HSPA12A: variants seen among roughly 807,000 people sequenced by gnomAD.
The protein encoded by HSPA12A is heat shock 70 kDa protein 12A.
In HSPA12A, 28 loss-of-function variants were observed where a neutral mutation model predicts 69.2. The observed-to-expected ratio is 0.40, with a 90% confidence interval of 0.30 to 0.55. The LOEUF is 0.55. Ranked by LOEUF, HSPA12A falls within the 20% of genes least tolerant of loss-of-function variation. The pLI, the probability that HSPA12A is intolerant of heterozygous loss-of-function variation, is 0.38. For missense variants in HSPA12A, 686 were observed against 900.7 expected (o/e 0.76, Z 3.05); for synonymous variants, 345 against 370.5 (o/e 0.93, Z 0.79).
intron 1 of HSPA12A, chr10:116,849,386 A>T: frequency 1.3e-6 from 1 of 768,804 alleles, no homozygotes; most frequent in Non-Finnish European, 1.8e-6. Flanking sequence ...GAAAAGACAG[A>T]GCAGCGAGCG....
chr10:116,704,331 A>T (rs1850170528), intron 3 of HSPA12A, among the ~76,000 whole-genome samples: 1 of 152,136 alleles, frequency 6.6e-6, no homozygotes, highest in South Asian at 2.1e-4. Context: ...GAAACTGGAA[A>T]CCATCATTCT....
At chr10:116,774,941 C>T (rs1554890938) in intron 2 of HSPA12A, among the ~76,000 whole-genome samples, 2 of 152,208 alleles carry the variant, frequency 1.3e-5, no homozygotes, top group African/African-American at 4.8e-5. Context: ...CCACTCCCTC[C>T]CCAAGGGCCC....
chr10:116,713,755 C>T (rs1850519501), intron 1 of HSPA12A, among the ~76,000 whole-genome samples: 1 of 152,192 alleles, frequency 6.6e-6, no homozygotes, highest in Non-Finnish European at 1.5e-5. Context: ...GAGGTGAAGA[C>T]ACACTTGCTT....
chr10:116,735,204 AC>A (rs529397089), intron 1 of HSPA12A, among the ~76,000 whole-genome samples: 131 of 152,338 alleles, frequency 8.6e-4, no homozygotes, highest in African/African-American at 3.0e-3. Context: ...GTGAGATCTA[AC>A]CTACAAGTTG....
At chr10:116,709,960 A>C (rs145279997) in intron 1 of HSPA12A, among the ~76,000 whole-genome samples, 2 of 152,338 alleles carry the variant, frequency 1.3e-5, no homozygotes, top group East Asian at 3.9e-4. Context: ...GACTAACAGA[A>C]TTGCTATTAG....
rs1554879058 is a variant in HSPA12A, at chr10:116,683,805, G to A, written c.821C>T (p.Ala274Val). The A allele has an allele frequency of 1.9e-6, 3 of 1,564,184 alleles. No individual in the cohort carries two copies. Among genetic ancestry groups the A allele is most frequent in the Admixed American group, 1.7e-5 (1 of 59,238 alleles). ...AGCAGAGGTACCCTGTGTAAACCCA[G>A]CTCCTACTGTGTCACTGCCGCTGTA... ...NGYSGSDTVGAGFTQAKEHIR... is the reference protein window; with the variant it reads ...NGYSGSDTVGVGFTQAKEHIR... The change falls in exon 7 of 12, where the codon GCT (alanine) becomes GTT (valine). Residue 274 changes from alanine (A) to valine (V), a missense_variant. Physicochemically the swap from Ala to Val is moderately conservative, Grantham distance 64. Coordinates refer to ENST00000369209, the MANE Select transcript of HSPA12A (RefSeq NM_025015.3).
chr10:116,726,631 G>A (rs1256923342), intron 1 of HSPA12A, among the ~76,000 whole-genome samples: 1 of 152,112 alleles, frequency 6.6e-6, no homozygotes, highest in African/African-American at 2.4e-5. Flanking sequence ...CCCAAGAGGG[G>A]GCTGCCCCTC....
rs1331609193 is a variant in HSPA12A, at chr10:116,817,343, T to C, written c.91+17592A>G. ...TACAAAGTCGGCTTAATTAAAACAATGGCATTCCAGAGACAATAGGGAACA... is the reference window on the plus strand; with the variant it reads ...TACAAAGTCGGCTTAATTAAAACAACGGCATTCCAGAGACAATAGGGAACA... On this transcript the variant is annotated intron_variant, in intron 2 of 12. Transcript: ENST00000635765. Among the ~76,000 whole-genome samples the C allele has an allele frequency of 2.0e-5, 3 of 152,090 alleles. No homozygotes were observed. In the East Asian group the frequency reaches 5.8e-4, roughly 29 times the overall value.
chr10:116,712,977 AATATAT>A (rs56007651), intron 1 of HSPA12A, among the ~76,000 whole-genome samples: 4,837 of 80,772 alleles, frequency 0.06, 389 homozygotes, highest in East Asian at 0.18. Context: ...TAAAAAATGC[AATATAT>A]ATATATATAT....
chr10:116,824,213 C>T (rs1845458951), intron 2 of HSPA12A, among the ~76,000 whole-genome samples: 1 of 152,186 alleles, frequency 6.6e-6, no homozygotes, highest in African/African-American at 2.4e-5. Flanking sequence ...AATGCCACTT[C>T]ACACCCAGAA....
intron 1 of HSPA12A, among the ~76,000 whole-genome samples, chr10:116,713,179 G>A (rs1419623134): frequency 2.0e-5 from 3 of 150,528 alleles, no homozygotes; most frequent in African/African-American, 7.3e-5. Context: ...GTAGGTTACT[G>A]GCAAACATCT....
At chr10:116,771,478 A>G (rs1844208036) in intron 2 of HSPA12A, among the ~76,000 whole-genome samples, 2 of 152,230 alleles carry the variant, frequency 1.3e-5, no homozygotes, top group Admixed American at 1.3e-4. Flanking sequence ...AGGAAGGAAG[A>G]GAAGCCACTG....
intron 2 of HSPA12A, among the ~76,000 whole-genome samples, chr10:116,794,490 A>G (rs374609752): frequency 5.3e-5 from 8 of 152,308 alleles, no homozygotes; most frequent in African/African-American, 1.9e-4. Context: ...TTTGATCACA[A>G]TTCATACATC....
At chr10:116,696,457 G>A (rs1197978769) in intron 5 of HSPA12A, among the ~76,000 whole-genome samples, 2 of 152,134 alleles carry the variant, frequency 1.3e-5, no homozygotes, top group East Asian at 3.9e-4. Context: ...AAGCTCTCTT[G>A]CCTGCAACCA....
chr10:116,787,071 G>A (rs1022422974), intron 2 of HSPA12A, among the ~76,000 whole-genome samples: 2 of 151,818 alleles, frequency 1.3e-5, no homozygotes, highest in African/African-American at 4.8e-5. Context: ...CTGGGATACT[G>A]TCGTGTTGGC....
intron 1 of HSPA12A, among the ~76,000 whole-genome samples, chr10:116,839,126 C>G (rs1186301361): frequency 2.6e-5 from 4 of 152,196 alleles, no homozygotes; most frequent in Non-Finnish European, 5.9e-5. Flanking sequence ...AATATACTTT[C>G]ACAGTTGGAA....
At position 116,801,712 on chromosome 10, in the gene HSPA12A, G is replaced by A. The variant is rs185492361; in HGVS notation, c.91+33223C>T. On this transcript the variant is annotated intron_variant, in intron 2 of 12. Coordinates refer to the HSPA12A transcript ENST00000635765. ...ATAGCTTTGTGGCAAATTTATACAC[G>A]TCATAAAATATCATAGAACTATTCA... is the stretch of plus-strand genomic sequence containing the variant. Among the ~76,000 whole-genome samples the A allele has an allele frequency of 7.2e-5, 11 of 151,794 alleles. No homozygotes were observed. The South Asian group carries it at 1.0e-3, about 14-fold the overall frequency.
Position 116,705,061 on chromosome 10 carries a change from G to T in HSPA12A, c.254+90C>A. 6.0e-6 allele frequency: 9 copies of T among 1,510,396 alleles called. No homozygotes were observed. The South Asian group carries it at 9.5e-5, about 16-fold the overall frequency. 93.6% of individuals were successfully genotyped at this position (1,510,396 alleles called of 1,614,324 possible). A position where few individuals can be genotyped will look rare whatever the true frequency, so the allele number is the denominator to read the frequency against. On this transcript the variant is annotated intron_variant, in intron 3 of 11. Coordinates refer to ENST00000369209, the MANE Select transcript of HSPA12A (RefSeq NM_025015.3). ...TGGAACAGAATCCAGGGCCGTCTTC[G>T]TAAGTGCCAATCACTGGCTCATTGC... is the stretch of plus-strand genomic sequence containing the variant.
chr10:116,773,186 C>A (rs950769035), intron 2 of HSPA12A, among the ~76,000 whole-genome samples: 2 of 152,224 alleles, frequency 1.3e-5, no homozygotes, highest in African/African-American at 4.8e-5. Context: ...CCCAGGGAGG[C>A]AAGAGCAGGC....
Sources: gnomAD v4.1 joint callset for allele counts (sites outside exome capture counted in the v4.1 genomes callset) on GRCh38, gnomAD v4.1.1 for gene constraint, MANE v1.5 for transcripts, NCBI Gene and HGNC (gene_info 2026-07-23, HGNC 2026-07-21) for gene names.